DMD: variants seen among roughly 807,000 people sequenced by gnomAD.
DMD encodes dystrophin.
Under a neutral mutation model 330.1 loss-of-function variants are expected in DMD, and 63 were observed. That is an observed-to-expected ratio of 0.19 (90% CI 0.16 to 0.24). The LOEUF (loss-of-function observed/expected upper bound fraction) is 0.24. Ranked by LOEUF, DMD falls within the 10% of genes least tolerant of loss-of-function variation. DMD has a pLI of 1.00. For missense variants in DMD, 3,344 were observed against 2,684.1 expected, an observed-to-expected ratio of 1.25 and a Z score of -5.43; for synonymous variants, 1,223 against 959.8, an observed-to-expected ratio of 1.27 and a Z score of -5.07.
intron 42 of DMD, among the ~76,000 whole-genome samples, chrX:32,293,671 G>GA (rs2097483271): frequency 9.0e-6 from 1 of 111,723 alleles, no homozygotes. Flanking sequence ...GCTTATTGAA[G>GA]AAAAGTTTCA....
At chrX:33,237,304 C>T (rs933071647) in intron 1 of DMD, among the ~76,000 whole-genome samples, 1 of 105,174 alleles carries the variant, frequency 9.5e-6, no homozygotes, top group East Asian at 3.0e-4. Context: ...AGTACAATGG[C>T]GCGATCTCGG....
At chrX:33,154,700 T>C (rs747662425) in intron 1 of DMD, among the ~76,000 whole-genome samples, 1 of 111,515 alleles carries the variant, frequency 9.0e-6, no homozygotes, top group South Asian at 3.8e-4. Flanking sequence ...AGGCATTTCT[T>C]TATATTTGTG....
intron 51 of DMD, among the ~76,000 whole-genome samples, chrX:31,759,500 G>T (rs2149171930): frequency 9.0e-6 from 1 of 111,289 alleles, no homozygotes; most frequent in Non-Finnish European, 1.9e-5. Context: ...TCTCTTTCCA[G>T]ATTTTAAGTT....
chrX:32,801,597 G>C (rs1393439199), intron 7 of DMD, among the ~76,000 whole-genome samples: 1 of 111,918 alleles, frequency 8.9e-6, no homozygotes, highest in Non-Finnish European at 1.9e-5. Context: ...CCTATGTCCT[G>C]AAAGGTATTG....
chrX:33,252,719 A>T lies in DMD; in HGVS notation c.7+86540T>A, dbSNP rs147677393. On this transcript the variant is annotated intron_variant, in intron 1 of 17. Transcript: ENST00000288447. Reference sequence around the variant, plus strand: ...ACTATGATAATTTCGCTACTTAAAAAATGATATACCATCTGAAATTTTTAT... The same window carrying T: ...ACTATGATAATTTCGCTACTTAAAATATGATATACCATCTGAAATTTTTAT... Among the ~76,000 whole-genome samples the T allele has an allele frequency of 6.2e-4, 69 of 111,219 alleles. 1 individual carries two copies. In the East Asian group the frequency reaches 0.015, roughly 24 times the overall value.
chrX:32,406,677 G>GAATCGATGTT (rs2098118660), intron 30 of DMD, among the ~76,000 whole-genome samples: 1 of 110,684 alleles, frequency 9.0e-6, no homozygotes, highest in African/African-American at 3.3e-5. Context: ...GAGGATTTTT[G>GAATCGATGTT]CATCGATGTT....
chrX:32,771,323 T>G (rs953380317), intron 7 of DMD, among the ~76,000 whole-genome samples: 1 of 111,540 alleles, frequency 9.0e-6, no homozygotes, highest in African/African-American at 3.3e-5. Context: ...CATGCCAGCC[T>G]TAGAAAGACT....
rs373362146 is a variant in DMD, at chrX:32,965,214, G to A, written c.93+54925C>T. Among the ~76,000 whole-genome samples, 16 of 111,602 alleles carry A rather than the reference G, an allele frequency of 1.4e-4. No individual in the cohort carries two copies. In the South Asian group the frequency reaches 6.1e-3, roughly 42 times the overall value. On this transcript the variant is annotated intron_variant, in intron 2 of 78. Coordinates refer to ENST00000357033, the MANE Select transcript of DMD (RefSeq NM_004006.3). ...TATTAAGCAAATATTTTCCGGGGCT[G>A]GGTGCGGTGGCTCACGCCTGTAATC... is the stretch of plus-strand genomic sequence containing the variant.
intron 2 of DMD, among the ~76,000 whole-genome samples, chrX:32,875,152 G>A (rs1397478132): frequency 3.6e-5 from 4 of 112,303 alleles, no homozygotes; most frequent in East Asian, 2.8e-4. Flanking sequence ...TGGAATGGAG[G>A]CTCTGCCTTG....
chrX:31,364,967 C>T (rs1443403181), intron 60 of DMD, among the ~76,000 whole-genome samples: 3 of 108,680 alleles, frequency 2.8e-5, no homozygotes, highest in African/African-American at 6.7e-5. Context: ...TGGTGGCGGG[C>T]GCCTGTAATC....
intron 60 of DMD, among the ~76,000 whole-genome samples, chrX:31,368,789 G>A (rs1258363762): frequency 9.0e-6 from 1 of 110,739 alleles, no homozygotes; most frequent in East Asian, 2.8e-4. Flanking sequence ...GGGATTACAG[G>A]TGTGTGCCAC....
At chrX:32,472,980 T>A (rs2040823404) in intron 21 of DMD, among the ~76,000 whole-genome samples, 1 of 110,849 alleles carries the variant, frequency 9.0e-6, no homozygotes, top group Non-Finnish European at 1.9e-5. Context: ...TATGTATAAT[T>A]ATATTAGGGA....
At chrX:32,278,331 A>G (rs1369643642) in intron 43 of DMD, among the ~76,000 whole-genome samples, 2 of 111,548 alleles carry the variant, frequency 1.8e-5, no homozygotes, top group African/African-American at 6.5e-5. Flanking sequence ...TCTCCCAGTA[A>G]AGAAAAGCTT....
chrX:31,163,325 C>T (rs891777273), intron 74 of DMD, among the ~76,000 whole-genome samples: 4 of 111,703 alleles, frequency 3.6e-5, no homozygotes, highest in Non-Finnish European at 7.5e-5. Context: ...TGCACATGCT[C>T]TCTTGCCTGC....
At chrX:31,743,499 G>A (rs2087540519) in intron 51 of DMD, among the ~76,000 whole-genome samples, 1 of 112,398 alleles carries the variant, frequency 8.9e-6, no homozygotes, top group Admixed American at 9.4e-5. Flanking sequence ...TATACACCAT[G>A]GAATACTATG....
intron 37 of DMD, among the ~76,000 whole-genome samples, chrX:32,349,438 T>C (rs1009823879): frequency 4.5e-5 from 5 of 111,347 alleles, no homozygotes; most frequent in African/African-American, 1.3e-4. Flanking sequence ...TACAGAAATC[T>C]GATTTTCTTT....
intron 47 of DMD, among the ~76,000 whole-genome samples, chrX:31,893,706 C>T (rs1339915042): frequency 3.7e-5 from 4 of 109,324 alleles, no homozygotes; most frequent in Non-Finnish European, 7.6e-5. Flanking sequence ...AGGCATGTGG[C>T]GAAAAAGGGA....
At chrX:32,360,211 A>G (rs2097826400) in intron 37 of DMD, among the ~76,000 whole-genome samples, 2 of 112,268 alleles carry the variant, frequency 1.8e-5, no homozygotes, top group Non-Finnish European at 3.8e-5. Context: ...CTGTTTGAAA[A>G]CATGTATTTC....
chrX:32,779,570 T>C (rs2074504606), intron 7 of DMD, among the ~76,000 whole-genome samples: 1 of 109,083 alleles, frequency 9.2e-6, no homozygotes, highest in South Asian at 4.0e-4. Context: ...AATTCCCACC[T>C]ATGAGTGAGA....
Sources: gnomAD v4.1 joint callset for allele counts (sites outside exome capture counted in the v4.1 genomes callset) on GRCh38, gnomAD v4.1.1 for gene constraint, MANE v1.5 for transcripts, NCBI Gene and HGNC (gene_info 2026-07-23, HGNC 2026-07-21) for gene names.